PCDH15: variants seen among roughly 807,000 people sequenced by gnomAD.
The protein encoded by PCDH15 is protocadherin-15.
PCDH15 carries 129 observed loss-of-function variants against 178.5 expected under a neutral mutation model. The ratio of observed to expected loss-of-function variants is 0.72; its 90% CI spans 0.63 to 0.84. The LOEUF (loss-of-function observed/expected upper bound fraction) is 0.84, where lower values mean the gene tolerates loss of function less well. Among genes scored for constraint, PCDH15 ranks in the 40% least tolerant of loss-of-function variants. The pLI is 0.00. For missense variants in PCDH15, 2,230 were observed against 2,099.9 expected, an observed-to-expected ratio of 1.06 and a Z score of -1.21; for synonymous variants, 800 against 732.0, an observed-to-expected ratio of 1.09 and a Z score of -1.50.
intron 13 of PCDH15, among the ~76,000 whole-genome samples, chr10:54,158,928 A>G (rs1159284323): frequency 6.6e-6 from 1 of 152,066 alleles, no homozygotes; most frequent in Non-Finnish European, 1.5e-5. Flanking sequence ...TAACACGGTG[A>G]AACCCCATCT....
intron 1 of PCDH15, among the ~76,000 whole-genome samples, chr10:54,787,147 C>T (rs76298147): frequency 0.035 from 5,263 of 151,410 alleles, 262 homozygotes; most frequent in African/African-American, 0.12. Context: ...TTAATTGGTT[C>T]ATTAATTATC....
chr10:54,671,154 A>G (rs1173587202), intron 1 of PCDH15, among the ~76,000 whole-genome samples: 1 of 152,170 alleles, frequency 6.6e-6, no homozygotes. Flanking sequence ...AATATAACCA[A>G]GTAAATTTAA....
intron 1 of PCDH15, among the ~76,000 whole-genome samples, chr10:54,676,805 T>C (rs1399184466): frequency 6.6e-6 from 1 of 152,222 alleles, no homozygotes; most frequent in Non-Finnish European, 1.5e-5. Flanking sequence ...AAATCTCATT[T>C]AAATTAACAG....
At chr10:54,284,994 G>A (rs1041425210) in intron 8 of PCDH15, among the ~76,000 whole-genome samples, 1 of 152,076 alleles carries the variant, frequency 6.6e-6, no homozygotes, top group Non-Finnish European at 1.5e-5. Context: ...ATGGCTTTAT[G>A]TTGACTATGC....
At chr10:54,942,320 G>A (rs946283581) in intron 2 of PCDH15, among the ~76,000 whole-genome samples, 4 of 152,002 alleles carry the variant, frequency 2.6e-5, no homozygotes, top group African/African-American at 4.8e-5. Context: ...CCACAGGTTT[G>A]CATTGCTTCT....
At chr10:53,821,673 C>T in intron 32 of PCDH15, 1 of 1,363,878 alleles carries the variant, frequency 7.3e-7, no homozygotes, top group Non-Finnish European at 9.5e-7. Flanking sequence ...TAAGGTAAAT[C>T]TATTATATGA....
At chr10:55,307,507 CAAA>C (rs768595082) in intron 1 of PCDH15, among the ~76,000 whole-genome samples, 1 of 130,934 alleles carries the variant, frequency 7.6e-6, no homozygotes. Flanking sequence ...GACTCCATCT[CAAA>C]AAAAAAAAAA....
chr10:54,404,208 G>T (rs1384175129), intron 3 of PCDH15, among the ~76,000 whole-genome samples: 1 of 151,674 alleles, frequency 6.6e-6, no homozygotes, highest in South Asian at 2.1e-4. Context: ...GACCTGAATA[G>T]CCAAGGCATT....
intron 2 of PCDH15, among the ~76,000 whole-genome samples, chr10:55,012,057 G>T (rs1262019881): frequency 2.0e-5 from 3 of 151,996 alleles, no homozygotes; most frequent in Non-Finnish European, 4.4e-5. Flanking sequence ...TATTTCTGAA[G>T]CCAATTTTGG....
At chr10:55,420,990 G>C (rs1009669558) in intron 2 of PCDH15, among the ~76,000 whole-genome samples, 2 of 151,660 alleles carry the variant, frequency 1.3e-5, no homozygotes, top group African/African-American at 4.8e-5. Context: ...TAATAGGCTA[G>C]AAACTATTTA....
chr10:54,736,208 A>G (rs1944095191), intron 1 of PCDH15, among the ~76,000 whole-genome samples: 1 of 151,978 alleles, frequency 6.6e-6, no homozygotes, highest in Non-Finnish European at 1.5e-5. Flanking sequence ...TTATTTCTCT[A>G]AAAAACAGCC....
chr10:55,592,639 A>G (rs564038770), intron 2 of PCDH15, among the ~76,000 whole-genome samples: 1 of 152,188 alleles, frequency 6.6e-6, no homozygotes, highest in Non-Finnish European at 1.5e-5. Context: ...TATCTTTTGG[A>G]AACCTGAATG....
chr10:54,261,118 A>G (rs2057286954), intron 8 of PCDH15, among the ~76,000 whole-genome samples: 1 of 152,212 alleles, frequency 6.6e-6, no homozygotes, highest in African/African-American at 2.4e-5. Flanking sequence ...ATTTGTTAGG[A>G]TAAAAAACTG....
chr10:53,870,585 A>G (rs1310160302), intron 26 of PCDH15, among the ~76,000 whole-genome samples: 1 of 152,158 alleles, frequency 6.6e-6, no homozygotes, highest in South Asian at 2.1e-4. Context: ...AAGTATGTTC[A>G]GTTGAATACT....
chr10:54,071,808 TA>T (rs1418243077), intron 17 of PCDH15, among the ~76,000 whole-genome samples: 2 of 152,114 alleles, frequency 1.3e-5, no homozygotes, highest in African/African-American at 2.4e-5. Flanking sequence ...ATTTCTTAAA[TA>T]AAAACATGAG....
At chr10:54,747,612 C>A (rs1268581913) in intron 1 of PCDH15, among the ~76,000 whole-genome samples, 1 of 152,188 alleles carries the variant, frequency 6.6e-6, no homozygotes, top group East Asian at 1.9e-4. Flanking sequence ...TCAAACAACT[C>A]AAGATCCAAT....
intron 2 of PCDH15, among the ~76,000 whole-genome samples, chr10:54,900,635 A>AT (rs1222862386): frequency 1.3e-5 from 2 of 152,216 alleles, no homozygotes; most frequent in African/African-American, 4.8e-5. Context: ...TAACACAAAC[A>AT]TCACCAAGAT....
chr10:54,363,825 A>G (rs983717179), intron 5 of PCDH15, among the ~76,000 whole-genome samples: 1 of 152,200 alleles, frequency 6.6e-6, no homozygotes, highest in Admixed American at 6.6e-5. Context: ...AAATATAATT[A>G]AAACTCCATT....
chr10:53,973,727 A>T, intron 21 of PCDH15, among the ~76,000 whole-genome samples: 1 of 152,114 alleles, frequency 6.6e-6, no homozygotes, highest in East Asian at 1.9e-4. Flanking sequence ...CACAGCATTT[A>T]AATAGATTTT....
Sources: gnomAD v4.1 joint callset for allele counts (sites outside exome capture counted in the v4.1 genomes callset) on GRCh38, gnomAD v4.1.1 for gene constraint, MANE v1.5 for transcripts, NCBI Gene and HGNC (gene_info 2026-07-23, HGNC 2026-07-21) for gene names.